Variants in SH3TC1 observed in about 807,000 individuals in gnomAD.
The protein encoded by SH3TC1 is SH3 domain and tetratricopeptide repeats 1.
SH3TC1 carries 135 observed loss-of-function variants against 117.3 expected under a neutral mutation model. The observed-to-expected ratio is 1.15, with a 90% confidence interval of 1.00 to 1.33. SH3TC1 has a LOEUF of 1.33. SH3TC1 is among the 40% of genes most tolerant of loss of function. The pLI is 0.00. For missense variants in SH3TC1, 2,092 were observed against 1,794.3 expected, an observed-to-expected ratio of 1.17 and a Z score of -3.00; for synonymous variants, 898 against 816.9, an observed-to-expected ratio of 1.10 and a Z score of -1.69.
Position 8,206,382 on chromosome 4 carries a change from A to G in SH3TC1, c.172+1016A>G, listed in dbSNP as rs1331437221. On this transcript the variant is annotated intron_variant, in intron 2 of 17. Transcript: ENST00000245105. This position sits in a 1 kb window ranked among gnomAD's most constrained non-coding sequence, Gnocchi z 5.5. ...CGTTCCCTCCAGGGCAGGCCTCATG[A>G]AAGGAAGGGGCTGCGCTGTGCCCAG... 6.6e-6 allele frequency among the ~76,000 whole-genome samples: 1 copy of G among 151,460 alleles called. No individual in the cohort carries two copies.
rs1018467367 is a variant in SH3TC1, at chr4:8,220,441, C to T, written c.1112+911C>T. Among the ~76,000 whole-genome samples the T allele has an allele frequency of 5.3e-5, 8 of 152,166 alleles. No individual in the cohort carries two copies. In the East Asian group the frequency reaches 5.8e-4, roughly 11 times the overall value. On this transcript the variant is annotated intron_variant, in intron 9 of 17. Transcript: ENST00000245105. ...TCTTCCTATGTGATTTACACGCCAC[C>T]CATGACCTGCCTGCTCCCAGCCAGG... is the stretch of plus-strand genomic sequence containing the variant.
chr4:8,217,066 A>G lies in SH3TC1; in HGVS notation c.738A>G (p.Gly246=). 4 of 1,612,940 alleles carry G rather than the reference A, an allele frequency of 2.5e-6. No homozygotes were observed. The highest frequency in any genetic ancestry group is 3.4e-6 in the Non-Finnish European group (4 of 1,179,544). Residue 246 remains glycine, a synonymous_variant, in exon 7 of 18, where the codon GGA becomes GGG. Coordinates refer to ENST00000245105, the MANE Select transcript of SH3TC1 (RefSeq NM_018986.5). The part of the protein sequence containing the change: ...ALRQASGAPQ[G]EAAPETDSSP... ...GGCAGGCTTCGGGGGCACCCCAGGG[A>G]GAGGCGGCCCCGGAAACAGACTCTT...
chr4:8,227,825 C>T lies in SH3TC1; in HGVS notation c.2131C>T (p.Leu711=). 6.2e-7 allele frequency: 1 copy of T among 1,612,818 alleles called. No homozygotes were observed. Among genetic ancestry groups the T allele is most frequent in the Non-Finnish European group, 8.5e-7 (1 of 1,179,984 alleles). Residue 711 remains leucine, a synonymous_variant, in exon 12 of 18, where the codon CTA becomes TTA. Coordinates refer to ENST00000245105, the MANE Select transcript of SH3TC1 (RefSeq NM_018986.5). ...PEAAWLSDCY[L]LLADIYSRKC... ...GGCCGCGTGGCTCTCAGACTGCTAC[C>T]TACTCCTGGCTGACATCTACAGCCG...
intron 2 of SH3TC1, among the ~76,000 whole-genome samples, chr4:8,207,686 T>C (rs903462168): frequency 2.0e-5 from 3 of 152,354 alleles, no homozygotes; most frequent in Admixed American, 1.3e-4. Flanking sequence ...ATTACCTATT[T>C]TGTCATTCAA....
In SH3TC1 at chr4:8,216,960, C is replaced by T. The variant is rs756813291; in HGVS notation, c.632C>T (p.Pro211Leu). The T allele has an allele frequency of 3.7e-6, 6 of 1,614,084 alleles. No individual in the cohort carries two copies. Among genetic ancestry groups the T allele is most frequent in the South Asian group, 1.1e-5 (1 of 91,082 alleles). The part of the protein sequence containing the change: ...THESLLIQEG[P>L]FFVLCPDHHV... Reference sequence around the variant, plus strand: ...GACCACCTCCATCCTTTTGAAGGGCCCTTCTTTGTCCTGTGTCCTGACCAC... The same window carrying T: ...GACCACCTCCATCCTTTTGAAGGGCTCTTCTTTGTCCTGTGTCCTGACCAC... Residue 211 changes from proline to leucine, a missense_variant, in exon 7 of 18, where the codon CCC (proline) becomes CTC (leucine). Coordinates refer to ENST00000245105, the MANE Select transcript of SH3TC1 (RefSeq NM_018986.5).
intron 1 of SH3TC1, among the ~76,000 whole-genome samples, chr4:8,202,068 C>T (rs1447842026): frequency 2.6e-5 from 4 of 152,286 alleles, no homozygotes; most frequent in East Asian, 1.9e-4. Flanking sequence ...TTTGTTGAGA[C>T]GCCTCCATGT....
At chr4:8,239,740 T>C (rs910319378) in intron 17 of SH3TC1, among the ~76,000 whole-genome samples, 2 of 152,204 alleles carry the variant, frequency 1.3e-5, no homozygotes, top group Non-Finnish European at 2.9e-5. Context: ...TGGGGCCTCC[T>C]GGGCCCCCAC....
chr4:8,213,744 T>A (rs1341820167), intron 4 of SH3TC1, among the ~76,000 whole-genome samples: 1 of 151,910 alleles, frequency 6.6e-6, no homozygotes, highest in Non-Finnish European at 1.5e-5. Flanking sequence ...CAAAAAAATT[T>A]AAAAAGTTAG....
chr4:8,238,242 GA>G (rs551184968), intron 17 of SH3TC1, among the ~76,000 whole-genome samples: 1 of 152,056 alleles, frequency 6.6e-6, no homozygotes, highest in South Asian at 2.1e-4. Context: ...CACAGACAGG[GA>G]AACCCCAGCT....
chr4:8,187,841 C>T (rs551492386), intron 1 of SH3TC1, among the ~76,000 whole-genome samples: 2 of 152,324 alleles, frequency 1.3e-5, no homozygotes, highest in African/African-American at 4.8e-5. Flanking sequence ...TGAGCCACCG[C>T]ATCCGGCCTA....
chr4:8,212,022 C>G (rs146947834), intron 3 of SH3TC1, among the ~76,000 whole-genome samples: 1 of 151,500 alleles, frequency 6.6e-6, no homozygotes, highest in Non-Finnish European at 1.5e-5. Flanking sequence ...CTCAGAACCA[C>G]GATGGGGGCA....
chr4:8,232,308 TGGGGTTGTCCCA>T, intron 13 of SH3TC1, 152 bp downstream of exon 13: 1 of 1,479,400 alleles, frequency 6.8e-7, no homozygotes, highest in South Asian at 1.2e-5. Flanking sequence ...CTGGGGGGCC[TGGGGTTGTCCCA>T]GGGCTGCTGA....
In SH3TC1 at chr4:8,240,643, C is replaced by G. The variant is rs1339692980; in HGVS notation, c.3754-55C>G. 3 of 1,606,472 alleles carry G rather than the reference C, an allele frequency of 1.9e-6. No individual in the cohort carries two copies. The African/African-American group carries it at 4.0e-5, about 21-fold the overall frequency. On this transcript the variant is annotated intron_variant, in intron 17 of 17. Coordinates refer to ENST00000245105, the MANE Select transcript of SH3TC1 (RefSeq NM_018986.5). ...AATGACCTGGGCACAGGAACGGCCT[C>G]TGGGGAGACTGGCTCCGAGTCCCCC...
chr4:8,237,647 G>T lies in SH3TC1; in HGVS notation c.3730G>T (p.Asp1244Tyr), dbSNP rs1328632399. The change falls in exon 17 of 18, where the codon GAC (aspartate) becomes TAC (tyrosine). Residue 1244 changes from aspartate to tyrosine, a missense_variant. Coordinates refer to ENST00000245105, the MANE Select transcript of SH3TC1 (RefSeq NM_018986.5). ...YYVKVYLVLG[D>Y]IIFYDLKDPF... is the part of the protein sequence containing the mutation. ...CGTGAAGGTGTACCTGGTGCTCGGT[G>T]ACATCATCTTCTACGACCTGAAGGT... 2 of 1,608,442 alleles carry T rather than the reference G, an allele frequency of 1.2e-6. No individual in the cohort carries two copies. The highest frequency in any genetic ancestry group is 2.2e-5 in the South Asian group (2 of 90,202).
chr4:8,237,598 G>T lies in SH3TC1; in HGVS notation c.3681G>T (p.Glu1227Asp), dbSNP rs776632069. Reference sequence around the variant, plus strand: ...TGTCGCTCTGCAACTCGCCGCTGGAGTTTGACGAGGAGACCCTCTACTACG... The same window carrying T: ...TGTCGCTCTGCAACTCGCCGCTGGATTTTGACGAGGAGACCCTCTACTACG... Reference protein sequence around the residue: ...KALSLCNSPLEFDEETLYYVK... With the variant: ...KALSLCNSPLDFDEETLYYVK... Residue 1227 changes from glutamate to aspartate, a missense_variant, in exon 17 of 18, where the codon GAG becomes GAT. Glu to Asp is a conservative substitution (Grantham distance 45). Coordinates refer to ENST00000245105, the MANE Select transcript of SH3TC1 (RefSeq NM_018986.5). The T allele has an allele frequency of 1.2e-6, 2 of 1,612,458 alleles. No individual in the cohort carries two copies. The highest frequency in any genetic ancestry group is 2.2e-5 in the South Asian group (2 of 90,920).
rs762303457 is a variant in SH3TC1 at position 8,235,385 on chromosome 4, G to A, written c.3283-48G>A. 4 of 1,418,790 alleles carry A rather than the reference G, an allele frequency of 2.8e-6. No homozygotes were observed. In the East Asian group the frequency reaches 7.7e-5, roughly 27 times the overall value. 87.9% of individuals were successfully genotyped at this position (1,418,790 alleles called of 1,614,324 possible). ...GGGGAGTCCGACCTGGGTGGGCGTGGCCACCTCACCAGGTGTGGGTCTTGA... is the reference window on the plus strand; with the variant it reads ...GGGGAGTCCGACCTGGGTGGGCGTGACCACCTCACCAGGTGTGGGTCTTGA... On this transcript the variant is annotated intron_variant, in intron 14 of 17. Transcript: ENST00000245105.
At chr4:8,184,654 C>A (rs191413857) in intron 1 of SH3TC1, among the ~76,000 whole-genome samples, 13 of 152,312 alleles carry the variant, frequency 8.5e-5, no homozygotes, top group Non-Finnish European at 1.5e-4. Context: ...ACTGGGATTA[C>A]AGGTATGAGC....
chr4:8,209,545 G>T lies in SH3TC1; in HGVS notation c.173-203G>T. 1 of 1,206,008 alleles carries T rather than the reference G, an allele frequency of 8.3e-7. No individual in the cohort carries two copies. The highest frequency in any genetic ancestry group is 1.5e-5 in the African/African-American group (1 of 66,656). 74.7% of individuals were successfully genotyped at this position (1,206,008 alleles called of 1,614,324 possible). A position where few individuals can be genotyped will look rare whatever the true frequency, so the allele number is the denominator to read the frequency against. Reference sequence around the variant, plus strand: ...TAAGCCTCTGAGTGTGGGGCAGCTTGTCACAGCATGCTGGGAAGTGCAGGC... The same window carrying T: ...TAAGCCTCTGAGTGTGGGGCAGCTTTTCACAGCATGCTGGGAAGTGCAGGC... On this transcript the variant is annotated intron_variant, in intron 2 of 17. Transcript: ENST00000245105. The surrounding 1 kb of genome is among the most constrained non-coding windows in gnomAD (Gnocchi z 5.9).
intron 17 of SH3TC1, 32 bp downstream of exon 17, chr4:8,237,702 C>T: frequency 1.3e-6 from 2 of 1,558,812 alleles, no homozygotes; most frequent in Non-Finnish European, 1.7e-6. Context: ...TCAGGGTGTT[C>T]CCGGCCCCCT....
Sources: allele counts gnomAD v4.1 joint callset (sites outside exome capture counted in the v4.1 genomes callset), GRCh38; gene constraint gnomAD v4.1.1; non-coding constraint Gnocchi (gnomAD v3.1); transcripts MANE v1.5; gene names NCBI Gene and HGNC (gene_info 2026-07-23, HGNC 2026-07-21).